DOT1L: variants seen among roughly 807,000 people sequenced by gnomAD.
The protein encoded by DOT1L is histone-lysine N-methyltransferase, H3 lysine-79 specific.
Under a neutral mutation model 153.3 loss-of-function variants are expected in DOT1L, and 33 were observed. That is an observed-to-expected ratio of 0.22 (90% CI 0.16 to 0.29). The LOEUF (loss-of-function observed/expected upper bound fraction) is 0.29, where lower values mean the gene tolerates loss of function less well. Among genes scored for constraint, DOT1L ranks in the 10% least tolerant of loss-of-function variants. DOT1L has a pLI of 1.00. For synonymous variants in DOT1L, 1,135 were observed against 965.1 expected, an observed-to-expected ratio of 1.18 and a Z score of -3.26; for missense variants, 1,847 against 2,119.9, an observed-to-expected ratio of 0.87 and a Z score of 2.53.
intron 1 of DOT1L, among the ~76,000 whole-genome samples, chr19:2,173,466 C>T (rs538825248): frequency 2.0e-5 from 3 of 152,200 alleles, no homozygotes; most frequent in Middle Eastern, 3.2e-3. Context: ...CCTTACACAG[C>T]GGGCCTCCCT....
At chr19:2,225,154 A>G (rs1460882446) in intron 25 of DOT1L, among the ~76,000 whole-genome samples, 2 of 152,198 alleles carry the variant, frequency 1.3e-5, no homozygotes, top group Admixed American at 6.5e-5. Context: ...TTGTCCCAGC[A>G]GAGGCCCTGG....
rs1390114953 is a variant in DOT1L at position 2,226,611 on chromosome 19, G to A, written c.4090G>A (p.Ala1364Thr). ...PSQRGKEGSD[A>T]NPFLSKRQLD... ...GCAGCGCGGCAAGGAGGGCTCGGAC[G>A]CCAACCCTTTCCTGAGCAAGAGGCA... The change falls in exon 27 of 28, where the codon GCC (alanine) becomes ACC (threonine). Residue 1364 changes from alanine (A) to threonine (T), a missense_variant. Physicochemically the swap from Ala to Thr is moderately conservative, Grantham distance 58. Coordinates refer to ENST00000398665, the MANE Select transcript of DOT1L (RefSeq NM_032482.3). The A allele has an allele frequency of 1.3e-6, 2 of 1,596,568 alleles. No homozygotes were observed. The highest frequency in any genetic ancestry group is 1.3e-5 in the African/African-American group (1 of 74,924).
chr19:2,214,090 T>C, intron 18 of DOT1L, 104 bp downstream of exon 18: 1 of 1,481,438 alleles, frequency 6.8e-7, no homozygotes, highest in Admixed American at 2.1e-5. Context: ...CCGCCTCTGT[T>C]GTGGGGTTTG....
In DOT1L at chr19:2,211,148, G is replaced by T. The variant is rs1277475130; in HGVS notation, c.1401G>T (p.Val467=). 1 of 1,612,966 alleles carries T rather than the reference G, an allele frequency of 6.2e-7. No individual in the cohort carries two copies. The highest frequency in any genetic ancestry group is 1.3e-5 in the African/African-American group (1 of 75,052). The change falls in exon 15 of 28, where the codon GTG becomes GTT. Residue 467 remains valine, a synonymous_variant. Coordinates refer to ENST00000398665, the MANE Select transcript of DOT1L (RefSeq NM_032482.3). The part of the protein sequence containing the change: ...HSPFYQLPPS[V]QRHSPNPLLV... ...CGTTCTACCAGCTACCTCCGAGCGT[G>T]CAGCGGCACTCCCCCAACCCGCTGC...
At chr19:2,177,761 C>T (rs1020074447) in intron 1 of DOT1L, among the ~76,000 whole-genome samples, 3 of 151,920 alleles carry the variant, frequency 2.0e-5, no homozygotes, top group Admixed American at 6.6e-5. Context: ...CCTCCTATTT[C>T]TTTTTCCTTT....
intron 27 of DOT1L, chr19:2,228,474 C>T (rs1457582340): frequency 5.0e-6 from 6 of 1,206,192 alleles, no homozygotes; most frequent in African/African-American, 1.6e-5. Flanking sequence ...GGCAGAAGTT[C>T]CGGGGGTCCT....
chr19:2,180,573 G>C, intron 1 of DOT1L, 140 bp from the exon 2 acceptor site: 1 of 984,242 alleles, frequency 1.0e-6, no homozygotes, highest in Non-Finnish European at 1.5e-6. Context: ...GGTGGTACCC[G>C]CTGGGTGGTG....
At chr19:2,201,779 C>A (rs1027204171) in intron 8 of DOT1L, among the ~76,000 whole-genome samples, 1 of 152,260 alleles carries the variant, frequency 6.6e-6, no homozygotes, top group African/African-American at 2.4e-5. Context: ...CAGGCTCTCA[C>A]AGTTCCTCTC....
At chr19:2,169,688 T>A (rs1417304447) in intron 1 of DOT1L, among the ~76,000 whole-genome samples, 2 of 152,208 alleles carry the variant, frequency 1.3e-5, no homozygotes, top group Non-Finnish European at 2.9e-5. Flanking sequence ...CTGCTTGTTA[T>A]CTGCTGCTCA....
chr19:2,191,264 G>T lies in DOT1L; in HGVS notation c.493+24G>T. On this transcript the variant is annotated intron_variant, in intron 5 of 27. Coordinates refer to ENST00000398665, the MANE Select transcript of DOT1L (RefSeq NM_032482.3). This position sits in a 1 kb window ranked among gnomAD's most constrained non-coding sequence, Gnocchi z 6.8. ...CGGTGAGTGTCGCCCGCCATGCCCG[G>T]CTCCTGTGCACTTCCAGGCCACACG... The T allele has an allele frequency of 1.9e-6, 3 of 1,609,926 alleles. No individual in the cohort carries two copies. The highest frequency in any genetic ancestry group is 1.7e-6 in the Non-Finnish European group (2 of 1,177,056).
chr19:2,225,843 C>T (rs1175926762), intron 26 of DOT1L, among the ~76,000 whole-genome samples: 1 of 152,198 alleles, frequency 6.6e-6, no homozygotes, highest in African/African-American at 2.4e-5. Context: ...ACCTTCCCTC[C>T]CGCAGGCTGC....
chr19:2,165,236 C>T (rs1453457500), intron 1 of DOT1L, among the ~76,000 whole-genome samples: 3 of 152,076 alleles, frequency 2.0e-5, no homozygotes, highest in Non-Finnish European at 4.4e-5. Flanking sequence ...TTTTGGGGGG[C>T]GCGTCTGCAG....
intron 12 of DOT1L, among the ~76,000 whole-genome samples, 176 bp downstream of exon 12, chr19:2,209,152 C>T (rs1209292361): frequency 6.6e-6 from 1 of 152,128 alleles, no homozygotes. Context: ...ACTGTCACTC[C>T]TGGTCCTCTC....
chr19:2,164,381 C>A, intron 1 of DOT1L, 116 bp downstream of exon 1: 8 of 597,366 alleles, frequency 1.3e-5, no homozygotes, highest in Non-Finnish European at 1.9e-5. Context: ...AACGGAGACC[C>A]TGGACTCCAC....
At chr19:2,228,228 C>A in intron 27 of DOT1L, 1 of 1,363,226 alleles carries the variant, frequency 7.3e-7, no homozygotes, top group Non-Finnish European at 9.8e-7. Flanking sequence ...CCGGCTGGCC[C>A]TGGCCCAGGC....
At position 2,230,202 on chromosome 19, in the gene DOT1L, G is replaced by A. The variant is rs1421423665; in HGVS notation, c.*410G>A. ...GGCCCGCGCCTGCCTCCACCCGCTTGGTGCTGACTAGACGCTGACAACGCC... is the reference window on the plus strand; with the variant it reads ...GGCCCGCGCCTGCCTCCACCCGCTTAGTGCTGACTAGACGCTGACAACGCC... On this transcript the variant is annotated 3_prime_UTR_variant, in exon 28 of 28. Coordinates refer to ENST00000398665, the MANE Select transcript of DOT1L (RefSeq NM_032482.3). 2 of 444,350 alleles carry A rather than the reference G, an allele frequency of 4.5e-6. No individual in the cohort carries two copies. Among genetic ancestry groups the A allele is most frequent in the Non-Finnish European group, 7.9e-6 (2 of 253,824 alleles). 27.5% of individuals were successfully genotyped at this position (444,350 alleles called of 1,614,324 possible).
rs183191147 is a variant in DOT1L, at chr19:2,166,994, C to T, written c.81+2729C>T. ...CCCTTTGGTCCTGGTGGCTTTCAGG[C>T]GGCCAAATCCGTGTTGCTGCAGGTT... is the stretch of plus-strand genomic sequence containing the variant. On this transcript the variant is annotated intron_variant, in intron 1 of 27. Coordinates refer to ENST00000398665, the MANE Select transcript of DOT1L (RefSeq NM_032482.3). Among the ~76,000 whole-genome samples, 541 of 152,282 alleles carry T rather than the reference C, an allele frequency of 3.6e-3. 1 individual carries two copies. Among genetic ancestry groups the T allele is most frequent in the African/African-American group, 0.012 (518 of 41,548 alleles).
chr19:2,174,834 A>G (rs2021830825), intron 1 of DOT1L, among the ~76,000 whole-genome samples: 1 of 151,424 alleles, frequency 6.6e-6, no homozygotes, highest in Non-Finnish European at 1.5e-5. Flanking sequence ...TGAGGGTCTC[A>G]ATATGTTGTC....
At chr19:2,228,326 T>C in intron 27 of DOT1L, 1 of 1,335,392 alleles carries the variant, frequency 7.5e-7, no homozygotes, top group South Asian at 1.2e-5. Context: ...CCGCGCACCT[T>C]TCGGGGGTTA....
Sources: allele counts gnomAD v4.1 joint callset (sites outside exome capture counted in the v4.1 genomes callset), GRCh38; gene constraint gnomAD v4.1.1; non-coding constraint Gnocchi (gnomAD v3.1); transcripts MANE v1.5; gene names NCBI Gene and HGNC (gene_info 2026-07-23, HGNC 2026-07-21).